Variants in AP1S3 observed in about 807,000 individuals in gnomAD.
AP1S3 encodes AP-1 complex subunit sigma-3.
A neutral mutation model predicts 20.9 loss-of-function variants in AP1S3; 10 were observed. That is an observed-to-expected ratio of 0.48 (90% confidence interval 0.29 to 0.81). AP1S3 has a LOEUF of 0.81. AP1S3 is among the 30% of genes least tolerant of loss of function. The pLI, the probability that AP1S3 is intolerant of heterozygous loss-of-function variation, is 0.08. For missense variants in AP1S3, 154 were observed against 183.8 expected (o/e 0.84, Z 0.94); for synonymous variants, 41 against 61.5 (o/e 0.67, Z 1.56).
Position 223,770,069 on chromosome 2 carries a change from A to C in AP1S3, c.292-4719T>G, listed in dbSNP as rs1448483773. The C allele has an allele frequency of 2.0e-5, 28 of 1,392,520 alleles. No individual in the cohort carries two copies. The East Asian group carries it at 6.6e-4, about 33-fold the overall frequency. 86.3% of individuals were successfully genotyped at this position (1,392,520 alleles called of 1,614,324 possible). Reference sequence around the variant, plus strand: ...GCGATCCTATTTTTAAAAACCGTATATGTTTAGAGGGACATGTAAAAATAT... The same window carrying C: ...GCGATCCTATTTTTAAAAACCGTATCTGTTTAGAGGGACATGTAAAAATAT... On this transcript the variant is annotated intron_variant, in intron 3 of 4. Transcript: ENST00000396654.
chr2:223,836,569 G>T (rs1259964588), intron 1 of AP1S3, among the ~76,000 whole-genome samples: 3 of 152,058 alleles, frequency 2.0e-5, no homozygotes, highest in African/African-American at 7.2e-5. Context: ...GTGAAACCCC[G>T]TCTCTACTAA....
At chr2:223,788,997 C>A (rs1490497583) in intron 1 of AP1S3, among the ~76,000 whole-genome samples, 1 of 152,122 alleles carries the variant, frequency 6.6e-6, no homozygotes, top group African/African-American at 2.4e-5. Flanking sequence ...AACAATGAAG[C>A]CTCCAGTCAA....
chr2:223,758,115 T>G lies in AP1S3; in HGVS notation c.*600A>C. On this transcript the variant is annotated 3_prime_UTR_variant, in exon 5 of 5. Transcript: ENST00000396654. Reference sequence around the variant, plus strand: ...CAAAAACACTTATTAAGTTCTATACTCTTTGGTTATTTTCATAATCCCAAT... The same window carrying G: ...CAAAAACACTTATTAAGTTCTATACGCTTTGGTTATTTTCATAATCCCAAT... The G allele has an allele frequency of 2.0e-6, 2 of 982,076 alleles. No individual in the cohort carries two copies. The highest frequency in any genetic ancestry group is 2.4e-6 in the Non-Finnish European group (2 of 828,024). The allele number at this position is 982,076 out of a possible 1,614,324, so 60.8% of individuals were successfully genotyped here. A position where few individuals can be genotyped will look rare whatever the true frequency, so the allele number is the denominator to read the frequency against.
At chr2:223,763,144 C>T (rs1388862144) in intron 4 of AP1S3, among the ~76,000 whole-genome samples, 2 of 152,176 alleles carry the variant, frequency 1.3e-5, no homozygotes, top group African/African-American at 2.4e-5. Context: ...ACAGAAGAGA[C>T]TGAGAGGGTG....
intron 1 of AP1S3, among the ~76,000 whole-genome samples, chr2:223,786,940 A>C (rs1414908317): frequency 1.3e-5 from 2 of 151,982 alleles, no homozygotes; most frequent in Non-Finnish European, 2.9e-5. Flanking sequence ...TATGGTTTGG[A>C]TCTGTGTCCC....
At chr2:223,761,079 C>G (rs1430840528) in intron 4 of AP1S3, among the ~76,000 whole-genome samples, 1 of 152,282 alleles carries the variant, frequency 6.6e-6, no homozygotes, top group Non-Finnish European at 1.5e-5. Context: ...GCTGGTTACT[C>G]AAGCTATGTA....
intron 1 of AP1S3, among the ~76,000 whole-genome samples, chr2:223,794,105 T>C (rs1691279974): frequency 6.6e-6 from 1 of 152,176 alleles, no homozygotes; most frequent in African/African-American, 2.4e-5. Flanking sequence ...AATTCCCTTA[T>C]CATTTTGCAT....
chr2:223,836,148 A>C (rs1408525333), intron 1 of AP1S3, among the ~76,000 whole-genome samples: 1 of 152,140 alleles, frequency 6.6e-6, no homozygotes, highest in Non-Finnish European at 1.5e-5. Context: ...TTCTTAGCCC[A>C]CGTGGCCCAC....
intron 1 of AP1S3, among the ~76,000 whole-genome samples, chr2:223,826,470 G>A (rs146628607): frequency 1.3e-3 from 192 of 152,192 alleles, no homozygotes; most frequent in Non-Finnish European, 2.0e-3. Context: ...GTGTGCGCCC[G>A]TAATCCCAGC....
At chr2:223,836,086 G>C (rs1372432580) in intron 1 of AP1S3, among the ~76,000 whole-genome samples, 1 of 152,166 alleles carries the variant, frequency 6.6e-6, no homozygotes, top group African/African-American at 2.4e-5. Context: ...CAGCAACTGC[G>C]GTCTTGCTGG....
intron 1 of AP1S3, among the ~76,000 whole-genome samples, chr2:223,780,341 A>AGT (rs1690906890): frequency 3.3e-5 from 4 of 121,788 alleles, no homozygotes; most frequent in East Asian, 5.2e-4. Flanking sequence ...AGAGAGAGAG[A>AGT]GAGAGAGAGA....
intron 1 of AP1S3, among the ~76,000 whole-genome samples, chr2:223,812,645 GA>G: frequency 6.6e-6 from 1 of 152,170 alleles, no homozygotes; most frequent in East Asian, 1.9e-4. Flanking sequence ...CTTTAGTTCT[GA>G]AAAATAAAAC....
At chr2:223,789,344 T>C (rs764701397) in intron 1 of AP1S3, among the ~76,000 whole-genome samples, 185 of 151,580 alleles carry the variant, frequency 1.2e-3, no homozygotes, top group Non-Finnish European at 1.8e-3. Flanking sequence ...CAAAATAAAA[T>C]CAAAGGAATC....
At chr2:223,832,913 A>G (rs913113976) in intron 1 of AP1S3, among the ~76,000 whole-genome samples, 21 of 149,482 alleles carry the variant, frequency 1.4e-4, no homozygotes, top group African/African-American at 5.2e-4. Flanking sequence ...AATTCTCTCA[A>G]GTCAGATTTT....
At position 223,792,048 on chromosome 2, in the gene AP1S3, C is replaced by A. The variant is rs144351408; in HGVS notation, c.4-14179G>T. On this transcript the variant is annotated intron_variant, in intron 1 of 4. Coordinates refer to ENST00000396654, the MANE Select transcript of AP1S3 (RefSeq NM_001039569.2). ...TTCCATTCTCATGGACAGAAAGAAT[C>A]AATATCTGAAAATGACCATATTGCA... is the stretch of plus-strand genomic sequence containing the variant. Among the ~76,000 whole-genome samples, 147 of 152,258 alleles carry A rather than the reference C, an allele frequency of 9.7e-4. 2 individuals carry two copies. The highest frequency in any genetic ancestry group is 3.5e-3 in the African/African-American group (144 of 41,554).
chr2:223,831,804 C>A (rs1488443120), intron 1 of AP1S3, among the ~76,000 whole-genome samples: 1 of 152,142 alleles, frequency 6.6e-6, no homozygotes, highest in South Asian at 2.1e-4. Flanking sequence ...TGGCCGGGCA[C>A]GGTGGCTCAT....
At chr2:223,826,138 A>C (rs769762768) in intron 1 of AP1S3, among the ~76,000 whole-genome samples, 1 of 152,102 alleles carries the variant, frequency 6.6e-6, no homozygotes, top group Non-Finnish European at 1.5e-5. Context: ...CAGTTGTTTA[A>C]TTTTTTCCTA....
chr2:223,792,661 C>T (rs1009588253), intron 1 of AP1S3, among the ~76,000 whole-genome samples: 5 of 151,860 alleles, frequency 3.3e-5, no homozygotes, highest in East Asian at 1.9e-4. Context: ...GACATAGTCA[C>T]GAGCAGATTT....
rs546076540 is a variant in AP1S3 at position 223,756,321 on chromosome 2, G to A, written c.*2394C>T. Among the ~76,000 whole-genome samples, 1 of 143,238 alleles carries A rather than the reference G, an allele frequency of 7.0e-6. No individual in the cohort carries two copies. The highest frequency in any genetic ancestry group is 7.0e-5 in the Admixed American group (1 of 14,294). 94.0% of individuals were successfully genotyped at this position (143,238 alleles called of 152,430 possible). A position where few individuals can be genotyped will look rare whatever the true frequency, so the allele number is the denominator to read the frequency against. Reference sequence around the variant, plus strand: ...CATTGCACTCTGGCCTGGGTGACAAGAAGCGAGGAAAGAAAAGAAAGAAAA... The same window carrying A: ...CATTGCACTCTGGCCTGGGTGACAAAAAGCGAGGAAAGAAAAGAAAGAAAA... On this transcript the variant is annotated 3_prime_UTR_variant, in exon 5 of 5. Transcript: ENST00000396654.
Sources: allele counts gnomAD v4.1 joint callset (sites outside exome capture counted in the v4.1 genomes callset), GRCh38; gene constraint gnomAD v4.1.1; transcripts MANE v1.5; gene names NCBI Gene and HGNC (gene_info 2026-07-23, HGNC 2026-07-21).